Variants in ITPRID1 observed in about 807,000 individuals in gnomAD.
ITPRID1 encodes ITPR interacting domain containing 1.
ITPRID1 carries 96 observed loss-of-function variants against 95.4 expected under a neutral mutation model. The ratio of observed to expected loss-of-function variants is 1.01; its 90% confidence interval spans 0.85 to 1.19. The LOEUF (loss-of-function observed/expected upper bound fraction) is 1.19. Among genes scored for constraint, ITPRID1 ranks in the 50% most tolerant of loss-of-function variants. The probability of loss-of-function intolerance (pLI) is 0.00; values close to 1 mark genes in which losing one functional copy is unlikely to be tolerated. For synonymous variants in ITPRID1, 510 were observed against 453.6 expected (o/e 1.12, Z -1.58); for missense variants, 1,339 against 1,252.9 (o/e 1.07, Z -1.04).
At position 31,553,057 on chromosome 7, in the gene ITPRID1, C is replaced by T; in HGVS notation, c.33C>T (p.Asn11=). 9 of 1,609,762 alleles carry T rather than the reference C, an allele frequency of 5.6e-6. No homozygotes were observed. The highest frequency in any genetic ancestry group is 7.6e-6 in the Non-Finnish European group (9 of 1,177,944). ...CACAGAAATCACAAGGATCTGACAA[C>T]CTTCAGGAAGGCCAGGAAAAGAGCA... MMAQKSQGSD[N]LQEGQEKSKR... is the part of the protein sequence containing the mutation. Residue 11 remains asparagine, a synonymous_variant, in exon 3 of 15, where the codon AAC becomes AAT. Transcript: ENST00000615280.
chr7:31,609,314 G>A (rs1038743308), intron 10 of ITPRID1, among the ~76,000 whole-genome samples: 1 of 151,408 alleles, frequency 6.6e-6, no homozygotes, highest in African/African-American at 2.4e-5. Context: ...AGTAATACTG[G>A]CCCCAGAGAA....
intron 10 of ITPRID1, among the ~76,000 whole-genome samples, chr7:31,592,749 G>T (rs1785921034): frequency 6.6e-6 from 1 of 152,140 alleles, no homozygotes; most frequent in Non-Finnish European, 1.5e-5. Flanking sequence ...CTAGTGTATG[G>T]CCCACTGCCT....
chr7:31,519,830 C>T (rs951587555), intron 1 of ITPRID1, among the ~76,000 whole-genome samples: 39 of 151,662 alleles, frequency 2.6e-4, no homozygotes, highest in Admixed American at 1.2e-3. Flanking sequence ...AGAGATCTCT[C>T]TACCCACTTT....
At chr7:31,564,775 T>G (rs1784739288) in intron 5 of ITPRID1, among the ~76,000 whole-genome samples, 2 of 152,066 alleles carry the variant, frequency 1.3e-5, no homozygotes, top group Admixed American at 1.3e-4. Flanking sequence ...TAGAAGCAAG[T>G]GGGATAGCGA....
intron 1 of ITPRID1, among the ~76,000 whole-genome samples, chr7:31,525,232 T>C (rs1210929891): frequency 6.6e-6 from 1 of 152,338 alleles, no homozygotes; most frequent in Non-Finnish European, 1.5e-5. Flanking sequence ...CAAGTGCTGG[T>C]GCCAGAGCTG....
chr7:31,552,379 A>G lies in ITPRID1; in HGVS notation c.-23-623A>G, dbSNP rs149835109. 2.0e-5 allele frequency among the ~76,000 whole-genome samples: 2 copies of G among 102,424 alleles called. 1 individual carries two copies. Among genetic ancestry groups the G allele is most frequent in the Non-Finnish European group, 4.9e-5 (2 of 40,644 alleles). The allele number at this position is 102,424 out of a possible 152,430, so 67.2% of individuals were successfully genotyped here. On this transcript the variant is annotated intron_variant, in intron 2 of 14. Transcript: ENST00000615280. ...TTTACCATAAAATTGTGACAATTATATTACTTCCTTCATTGACAATTAAGT... is the reference window on the plus strand; with the variant it reads ...TTTACCATAAAATTGTGACAATTATGTTACTTCCTTCATTGACAATTAAGT...
At chr7:31,620,515 T>G (rs1446745962) in intron 10 of ITPRID1, among the ~76,000 whole-genome samples, 1 of 151,050 alleles carries the variant, frequency 6.6e-6, no homozygotes, top group Admixed American at 6.7e-5. Flanking sequence ...GGAGTGGACC[T>G]CTAGCAAACT....
chr7:31,647,657 G>A (rs527907067), intron 12 of ITPRID1, among the ~76,000 whole-genome samples: 1 of 113,290 alleles, frequency 8.8e-6, no homozygotes, highest in East Asian at 2.9e-4. Context: ...CTGAGCAACA[G>A]AGAGAGTCTC....
rs1785014427 is a variant in ITPRID1, at chr7:31,572,164, A to G, written c.371A>G (p.Tyr124Cys). 1 of 1,609,376 alleles carries G rather than the reference A, an allele frequency of 6.2e-7. No homozygotes were observed. Among genetic ancestry groups the G allele is most frequent in the African/African-American group, 1.3e-5 (1 of 74,820 alleles). The change falls in exon 7 of 15, where the codon TAT (tyrosine) becomes TGT (cysteine). Residue 124 changes from tyrosine (Y) to cysteine (C), a missense_variant. Physicochemically the swap from Tyr to Cys is radical, Grantham distance 194. Coordinates refer to ENST00000615280, the MANE Select transcript of ITPRID1 (RefSeq NM_001257967.3). Reference sequence around the variant, plus strand: ...AGAGGGACCAGTTTCAACTCTTGCTATTCTACTGCAAGTGTACCACAAAGG... The same window carrying G: ...AGAGGGACCAGTTTCAACTCTTGCTGTTCTACTGCAAGTGTACCACAAAGG... ...LSRGTSFNSC[Y>C]STASVPQSIP...
At chr7:31,571,908 A>G (rs2041364) in intron 6 of ITPRID1, among the ~76,000 whole-genome samples, 194 bp from the exon 7 acceptor site, 135,265 of 152,178 alleles carry the variant, frequency 0.89, 60,282 homozygotes, top group East Asian at 1. Context: ...TACACCTTCT[A>G]TAATACAACG....
intron 8 of ITPRID1, among the ~76,000 whole-genome samples, chr7:31,576,671 G>A (rs1287943386): frequency 6.6e-6 from 1 of 152,140 alleles, no homozygotes; most frequent in Non-Finnish European, 1.5e-5. Flanking sequence ...AGGATGATTA[G>A]TCAATACTAC....
At chr7:31,563,703 C>T (rs1264839588) in intron 5 of ITPRID1, among the ~76,000 whole-genome samples, 7 of 151,494 alleles carry the variant, frequency 4.6e-5, no homozygotes, top group Admixed American at 4.6e-4. Context: ...AGGGGGAACA[C>T]GTTGGGAAGA....
intron 5 of ITPRID1, among the ~76,000 whole-genome samples, chr7:31,563,073 G>A (rs1470853788): frequency 3.3e-5 from 5 of 152,090 alleles, no homozygotes; most frequent in African/African-American, 1.2e-4. Context: ...AAAGTTAGTC[G>A]ACAAAAGGAG....
intron 10 of ITPRID1, among the ~76,000 whole-genome samples, chr7:31,625,892 A>C (rs1161406560): frequency 1.3e-5 from 2 of 152,204 alleles, no homozygotes; most frequent in African/African-American, 2.4e-5. Flanking sequence ...TCTAAAATTG[A>C]AACATTGTAT....
intron 9 of ITPRID1, among the ~76,000 whole-genome samples, chr7:31,582,239 C>T (rs1168861972): frequency 6.6e-6 from 1 of 152,112 alleles, no homozygotes; most frequent in African/African-American, 2.4e-5. Context: ...AGCCTACTGT[C>T]CTGTCATTAA....
At chr7:31,572,701 A>AT (rs1562578235) in intron 7 of ITPRID1, among the ~76,000 whole-genome samples, 1 of 152,150 alleles carries the variant, frequency 6.6e-6, no homozygotes, top group East Asian at 1.9e-4. Context: ...ACTATTAAAA[A>AT]TTTTTTAACA....
chr7:31,549,759 A>G (rs1230731442), intron 2 of ITPRID1, among the ~76,000 whole-genome samples: 1 of 152,198 alleles, frequency 6.6e-6, no homozygotes. Flanking sequence ...GCAATTACTA[A>G]TAAAGATTAG....
At chr7:31,527,637 A>G (rs1783463219) in intron 1 of ITPRID1, among the ~76,000 whole-genome samples, 1 of 152,116 alleles carries the variant, frequency 6.6e-6, no homozygotes, top group South Asian at 2.1e-4. Context: ...AATCGCACAT[A>G]GACTCTGTAA....
chr7:31,628,945 A>G (rs1788745219), intron 10 of ITPRID1, among the ~76,000 whole-genome samples: 2 of 152,336 alleles, frequency 1.3e-5, no homozygotes, highest in African/African-American at 4.8e-5. Flanking sequence ...GGAAAAAACA[A>G]AAACAAAAAA....
Sources: allele counts gnomAD v4.1 joint callset (sites outside exome capture counted in the v4.1 genomes callset), GRCh38; gene constraint gnomAD v4.1.1; transcripts MANE v1.5; gene names NCBI Gene and HGNC (gene_info 2026-07-23, HGNC 2026-07-21).